Variants in LAMA2 observed in about 807,000 individuals in gnomAD.
LAMA2 encodes laminin subunit alpha 2.
In LAMA2, 269 loss-of-function variants were observed where a neutral mutation model predicts 364.8. The observed-to-expected ratio is 0.74, with a 90% CI of 0.67 to 0.82. The LOEUF is 0.82. Among genes scored for constraint, LAMA2 ranks in the 40% least tolerant of loss-of-function variants. The pLI is 0.00. For synonymous variants in LAMA2, 1,379 were observed against 1,370.6 expected (o/e 1.01, Z -0.14); for missense variants, 3,807 against 3,873.2 (o/e 0.98, Z 0.45).
chr6:129,066,115 G>A (rs911224475), intron 3 of LAMA2, among the ~76,000 whole-genome samples: 1 of 130,228 alleles, frequency 7.7e-6, no homozygotes, highest in East Asian at 2.2e-4. Flanking sequence ...GCGGGATCTC[G>A]GCTCACTGCA....
chr6:129,192,203 GTTTC>G, intron 11 of LAMA2, among the ~76,000 whole-genome samples: 1 of 152,152 alleles, frequency 6.6e-6, no homozygotes. Context: ...TACTTGCATA[GTTTC>G]TTTCTTTTTC....
At chr6:129,487,748 T>A (rs1368593597) in intron 56 of LAMA2, among the ~76,000 whole-genome samples, 3 of 152,170 alleles carry the variant, frequency 2.0e-5, no homozygotes, top group Non-Finnish European at 2.9e-5. Context: ...GATGAATTGA[T>A]ACAAAGCGTT....
At chr6:129,088,822 T>A (rs1321390105) in intron 3 of LAMA2, among the ~76,000 whole-genome samples, 1 of 150,618 alleles carries the variant, frequency 6.6e-6, no homozygotes, top group African/African-American at 2.4e-5. Flanking sequence ...CACTCCTCAC[T>A]TCCCAGACTG....
chr6:129,190,154 C>A, intron 10 of LAMA2, 51 bp from the exon 11 acceptor site: 1 of 1,583,918 alleles, frequency 6.3e-7, no homozygotes, highest in Non-Finnish European at 8.7e-7. Context: ...ATGGACGCAG[C>A]TCATAATGTT....
At chr6:129,417,756 A>G (rs1421659652) in intron 40 of LAMA2, among the ~76,000 whole-genome samples, 2 of 152,098 alleles carry the variant, frequency 1.3e-5, no homozygotes, top group Non-Finnish European at 2.9e-5. Context: ...TTGGCACCCA[A>G]AATCCAGAAG....
At chr6:129,436,373 T>C (rs1438390667) in intron 41 of LAMA2, among the ~76,000 whole-genome samples, 1 of 152,200 alleles carries the variant, frequency 6.6e-6, no homozygotes, top group Non-Finnish European at 1.5e-5. Context: ...GGAAAGGTCT[T>C]AAGGTTTATT....
At chr6:129,328,810 C>G (rs1288325394) in intron 29 of LAMA2, among the ~76,000 whole-genome samples, 1 of 152,160 alleles carries the variant, frequency 6.6e-6, no homozygotes. Flanking sequence ...GTATTTCCCA[C>G]CAATTTTTAC....
intron 1 of LAMA2, among the ~76,000 whole-genome samples, chr6:128,948,592 GC>G (rs1338685465): frequency 6.6e-6 from 1 of 152,142 alleles, no homozygotes; most frequent in Non-Finnish European, 1.5e-5. Flanking sequence ...TTGCATGTTT[GC>G]CCCCTTCAAA....
chr6:129,509,673 G>A (rs1786412614), intron 62 of LAMA2, among the ~76,000 whole-genome samples: 1 of 152,078 alleles, frequency 6.6e-6, no homozygotes, highest in Non-Finnish European at 1.5e-5. Flanking sequence ...TAGATGTATG[G>A]ATTTATTTCT....
intron 1 of LAMA2, among the ~76,000 whole-genome samples, chr6:128,935,707 C>T (rs1320506031): frequency 6.6e-6 from 1 of 152,020 alleles, no homozygotes; most frequent in African/African-American, 2.4e-5. Context: ...TTAGGGTTTC[C>T]TTCATATAAG....
At chr6:129,324,173 C>T (rs1011196074) in intron 28 of LAMA2, among the ~76,000 whole-genome samples, 2 of 152,124 alleles carry the variant, frequency 1.3e-5, no homozygotes, top group African/African-American at 4.8e-5. Context: ...TAACCTAAAA[C>T]AATCATGGTA....
chr6:129,184,179 G>A (rs1018585088), intron 10 of LAMA2, among the ~76,000 whole-genome samples: 6 of 151,688 alleles, frequency 4.0e-5, no homozygotes, highest in African/African-American at 1.5e-4. Flanking sequence ...ATTTTTATTG[G>A]TTTTGGATTT....
chr6:129,427,195 GC>G (rs1009525717), intron 40 of LAMA2, among the ~76,000 whole-genome samples: 3 of 152,014 alleles, frequency 2.0e-5, no homozygotes, highest in Non-Finnish European at 2.9e-5. Flanking sequence ...ATTGTGTTTT[GC>G]CATACCGCTT....
At chr6:129,249,307 G>A (rs1214951908) in intron 12 of LAMA2, among the ~76,000 whole-genome samples, 11 of 152,074 alleles carry the variant, frequency 7.2e-5, no homozygotes, top group African/African-American at 2.7e-4. Context: ...TTTAAAAAAA[G>A]GATTGCAGCA....
intron 41 of LAMA2, 48 bp downstream of exon 41, chr6:129,427,902 A>G (rs746215178): frequency 4.4e-6 from 5 of 1,124,040 alleles, no homozygotes; most frequent in Non-Finnish European, 6.8e-6. Context: ...TCGGGTTGTT[A>G]CTGATAAGAT....
intron 1 of LAMA2, among the ~76,000 whole-genome samples, chr6:129,009,739 T>C (rs921007552): frequency 3.3e-5 from 5 of 152,172 alleles, no homozygotes; most frequent in Non-Finnish European, 7.4e-5. Flanking sequence ...TCTTTATATA[T>C]ACAAAATGTG....
At chr6:128,995,372 A>G (rs568695261) in intron 1 of LAMA2, among the ~76,000 whole-genome samples, 2 of 152,324 alleles carry the variant, frequency 1.3e-5, no homozygotes, top group South Asian at 4.1e-4. Flanking sequence ...CCCAGGCTGG[A>G]GTGCAGTGGC....
At chr6:129,500,436 C>T (rs1180166965) in intron 58 of LAMA2, among the ~76,000 whole-genome samples, 2 of 152,144 alleles carry the variant, frequency 1.3e-5, no homozygotes, top group Non-Finnish European at 2.9e-5. Flanking sequence ...AACTCTTTTC[C>T]ATAACATTGG....
At chr6:129,293,888 A>G (rs1650544914) in intron 20 of LAMA2, among the ~76,000 whole-genome samples, 1 of 152,238 alleles carries the variant, frequency 6.6e-6, no homozygotes, top group South Asian at 2.1e-4. Context: ...TTGATGTCAG[A>G]CTGCCTTAGA....
Sources: allele counts gnomAD v4.1 joint callset (sites outside exome capture counted in the v4.1 genomes callset), GRCh38; gene constraint gnomAD v4.1.1; transcripts MANE v1.5; gene names NCBI Gene and HGNC (gene_info 2026-07-23, HGNC 2026-07-21).